Variants in FSTL4 observed in about 807,000 individuals in gnomAD.
The protein encoded by FSTL4 is follistatin like 4.
Under a neutral mutation model 78.2 loss-of-function variants are expected in FSTL4, and 28 were observed. The observed-to-expected ratio is 0.36, with a 90% CI of 0.27 to 0.49. FSTL4 has a LOEUF of 0.49. Ranked by LOEUF, FSTL4 falls within the 20% of genes least tolerant of loss-of-function variation. The pLI is 0.98. For synonymous variants in FSTL4, 422 were observed against 440.5 expected, an observed-to-expected ratio of 0.96 and a Z score of 0.53; for missense variants, 922 against 1,084.9, an observed-to-expected ratio of 0.85 and a Z score of 2.11.
chr5:133,264,436 G>A (rs1356267239), intron 6 of FSTL4, among the ~76,000 whole-genome samples: 2 of 152,132 alleles, frequency 1.3e-5, no homozygotes, highest in South Asian at 2.1e-4. Context: ...TCCTGAGCTC[G>A]ACAAGCCCAA....
At chr5:133,814,612 G>A in the FSTL4 span, among the ~76,000 whole-genome samples, 1 of 152,206 alleles carries the variant, frequency 6.6e-6, no homozygotes, top group African/African-American at 2.4e-5. Flanking sequence ...AGTTAATCTT[G>A]CCCTCACAAA....
chr5:133,346,771 G>T (rs1455641073), intron 4 of FSTL4, among the ~76,000 whole-genome samples: 1 of 151,942 alleles, frequency 6.6e-6, no homozygotes, highest in Admixed American at 6.6e-5. Flanking sequence ...GTTAGATATT[G>T]GTATTGCTAG....
the FSTL4 span, among the ~76,000 whole-genome samples, chr5:133,778,250 C>T: frequency 5.0e-4 from 76 of 152,232 alleles, no homozygotes; most frequent in East Asian, 9.7e-4. Flanking sequence ...AAATGAGCAA[C>T]GTGGGAGAAA....
chr5:133,701,029 G>C, the FSTL4 span, among the ~76,000 whole-genome samples: 1 of 152,108 alleles, frequency 6.6e-6, no homozygotes, highest in Non-Finnish European at 1.5e-5. Context: ...AGAAATGACA[G>C]TGTCTTTATC....
chr5:133,497,648 T>C (rs246956), intron 3 of FSTL4, among the ~76,000 whole-genome samples: 82,499 of 151,922 alleles, frequency 0.54, 23,144 homozygotes, highest in African/African-American at 0.68. Context: ...CACTGGGGGA[T>C]TGGAGTCTAT....
intron 4 of FSTL4, among the ~76,000 whole-genome samples, chr5:133,372,269 GTATC>G (rs70974084): frequency 1.4e-5 from 2 of 142,926 alleles, no homozygotes; most frequent in African/African-American, 2.6e-5. Context: ...ATGTATGTAT[GTATC>G]TATCTATCTA....
At chr5:133,455,067 T>C (rs1757459418) in intron 3 of FSTL4, among the ~76,000 whole-genome samples, 1 of 152,214 alleles carries the variant, frequency 6.6e-6, no homozygotes. Context: ...GGCATGAGTG[T>C]CAGGCTCCAT....
chr5:133,734,045 C>G, the FSTL4 span, among the ~76,000 whole-genome samples: 1 of 152,206 alleles, frequency 6.6e-6, no homozygotes, highest in African/African-American at 2.4e-5. Flanking sequence ...AGCCAAGTGT[C>G]TTCTATATCC....
chr5:133,235,056 T>C (rs1751614047), intron 7 of FSTL4, among the ~76,000 whole-genome samples: 1 of 152,138 alleles, frequency 6.6e-6, no homozygotes, highest in South Asian at 2.1e-4. Context: ...GCATGAGGGC[T>C]AAAAGCAGCT....
At chr5:133,287,014 G>A (rs1174873694) in intron 6 of FSTL4, among the ~76,000 whole-genome samples, 1 of 152,192 alleles carries the variant, frequency 6.6e-6, no homozygotes, top group Non-Finnish European at 1.5e-5. Flanking sequence ...TGCATTGCCT[G>A]GTTGCATTCC....
In FSTL4 at chr5:133,316,708, C is replaced by G. The variant is rs139315222; in HGVS notation, c.410-56G>C. On this transcript the variant is annotated intron_variant, in intron 4 of 15. Coordinates refer to ENST00000265342, the MANE Select transcript of FSTL4 (RefSeq NM_015082.2). ...GACTTATCCCGTGGTCTTGAGAGAACATTCTTGCCGCTGGTCCATTCATCT... is the reference window on the plus strand; with the variant it reads ...GACTTATCCCGTGGTCTTGAGAGAAGATTCTTGCCGCTGGTCCATTCATCT... 1.6e-4 allele frequency: 232 copies of G among 1,437,228 alleles called. 2 individuals carry two copies. In the Middle Eastern group the frequency reaches 2.9e-3, roughly 18 times the overall value. 89.0% of individuals were successfully genotyped at this position (1,437,228 alleles called of 1,614,324 possible).
At chr5:133,634,868 G>T in the FSTL4 span, among the ~76,000 whole-genome samples, 2 of 152,086 alleles carry the variant, frequency 1.3e-5, no homozygotes, top group African/African-American at 4.8e-5. Context: ...CAAATAGCAT[G>T]GCAATTAATT....
the FSTL4 span, among the ~76,000 whole-genome samples, chr5:133,623,492 A>G: frequency 2.0e-5 from 3 of 152,136 alleles, 1 homozygote; most frequent in South Asian, 6.2e-4. Flanking sequence ...AAATTCAAAA[A>G]CTGACTTAAA....
At chr5:133,206,695 G>T in intron 14 of FSTL4, among the ~76,000 whole-genome samples, 1 of 152,212 alleles carries the variant, frequency 6.6e-6, no homozygotes, top group East Asian at 1.9e-4. Context: ...CCTGTATCTG[G>T]AATAAAATTC....
rs1750165506 is a variant in FSTL4 at position 133,197,055 on chromosome 5, G to A, written c.*2040C>T. ...TCTGTCACTCCTGATTATTTTAAAA[G>A]GCCAGTTTGGGTCAAACTGGTCTTT... is the stretch of plus-strand genomic sequence containing the variant. On this transcript the variant is annotated 3_prime_UTR_variant, in exon 16 of 16. Transcript: ENST00000265342. 6.6e-6 allele frequency: 1 copy of A among 152,188 alleles called. No individual in the cohort carries two copies. 9.4% of individuals were successfully genotyped at this position (152,188 alleles called of 1,614,324 possible).
At chr5:133,776,449 C>T in the FSTL4 span, among the ~76,000 whole-genome samples, 1 of 152,190 alleles carries the variant, frequency 6.6e-6, no homozygotes, top group South Asian at 2.1e-4. Flanking sequence ...TGTTGCTAGT[C>T]CCAGGGTACA....
intron 3 of FSTL4, among the ~76,000 whole-genome samples, chr5:133,463,868 G>A (rs1288961513): frequency 6.6e-6 from 1 of 152,214 alleles, no homozygotes; most frequent in African/African-American, 2.4e-5. Flanking sequence ...GAATAGGAAG[G>A]ACCAGCAAAG....
chr5:133,508,573 C>T (rs1383946955), intron 3 of FSTL4, among the ~76,000 whole-genome samples: 2 of 152,162 alleles, frequency 1.3e-5, no homozygotes, highest in East Asian at 3.9e-4. Flanking sequence ...ACTGTACATG[C>T]GGTCTGTTGT....
chr5:133,287,347 C>A (rs1753155983), intron 6 of FSTL4, among the ~76,000 whole-genome samples: 1 of 149,622 alleles, frequency 6.7e-6, no homozygotes, highest in Non-Finnish European at 1.5e-5. Context: ...GAGATCGCAC[C>A]ACTGCACTCC....
Sources: gnomAD v4.1 joint callset for allele counts (sites outside exome capture counted in the v4.1 genomes callset) on GRCh38, gnomAD v4.1.1 for gene constraint, MANE v1.5 for transcripts, NCBI Gene and HGNC (gene_info 2026-07-23, HGNC 2026-07-21) for gene names.